Variants in GPC6 observed in about 807,000 individuals in gnomAD.
GPC6 encodes the protein glypican-6.
A neutral mutation model predicts 55.2 loss-of-function variants in GPC6; 14 were observed. That is an observed-to-expected ratio of 0.25 (90% CI 0.17 to 0.40). The LOEUF is 0.40. GPC6 is among the 10% of genes least tolerant of loss of function. GPC6 has a pLI of 1.00. For missense variants in GPC6, 641 were observed against 708.5 expected (o/e 0.90, Z 1.08); for synonymous variants, 278 against 259.6 (o/e 1.07, Z -0.68).
rs565816870 is a variant in GPC6 at position 93,545,428 on chromosome 13, G to T, written c.319+7G>T. On this transcript the variant is annotated splice_region_variant and intron_variant, in intron 2 of 8. Coordinates refer to ENST00000377047, the MANE Select transcript of GPC6 (RefSeq NM_005708.5). ...AGGCATAAGAAATTTGACGGTAGGT[G>T]AAATGGTTTTCACTTCAGTTTGTTA... 6.2e-7 allele frequency: 1 copy of T among 1,611,898 alleles called. No homozygotes were observed. The highest frequency in any genetic ancestry group is 1.1e-5 in the South Asian group (1 of 91,034).
rs573477694 is a variant in GPC6 at position 93,492,444 on chromosome 13, A to C, written c.161-52819A>C. Among the ~76,000 whole-genome samples the C allele has an allele frequency of 3.5e-3, 530 of 150,256 alleles. 2 individuals are homozygous for C. Among genetic ancestry groups the C allele is most frequent in the African/African-American group, 0.012 (485 of 40,566 alleles). On this transcript the variant is annotated intron_variant, in intron 1 of 8. Transcript: ENST00000377047. ...GGGCTGAGACGATGGGGTTTTCTGGATAAACAATCATGTCGTCTGCAAACA... is the reference window on the plus strand; with the variant it reads ...GGGCTGAGACGATGGGGTTTTCTGGCTAAACAATCATGTCGTCTGCAAACA...
Position 93,231,380 on chromosome 13 carries a change from CATAT to C in GPC6, c.160+3777_160+3780del, listed in dbSNP as rs1204996148. Among the ~76,000 whole-genome samples the C allele has an allele frequency of 4.9e-3, 151 of 30,808 alleles. 3 individuals carry two copies. Among genetic ancestry groups the C allele is most frequent in the Middle Eastern group, 0.028 (1 of 36 alleles). 20.2% of individuals were successfully genotyped at this position (30,808 alleles called of 152,430 possible). ...ATATACGTATATATATATATATATA[CATAT>C]ATATATATATATGTATATATATATA... On this transcript the variant is annotated intron_variant, in intron 1 of 8. Transcript: ENST00000377047.
At position 93,948,602 on chromosome 13, in the gene GPC6, A is replaced by T. The variant is rs1879116582; in HGVS notation, c.712-79127A>T. On this transcript the variant is annotated intron_variant, in intron 3 of 8. Transcript: ENST00000377047. The stretch of plus-strand genomic sequence containing the variant: ...TTATAGCAGAAATATGATTGAATGC[A>T]TAATTTATTTAAGGTTTAGCAAAGA... Among the ~76,000 whole-genome samples the T allele has an allele frequency of 2.0e-5, 3 of 152,224 alleles. No individual in the cohort carries two copies. The South Asian group carries it at 6.2e-4, about 31-fold the overall frequency.
chr13:93,700,787 A>G (rs1463811943), intron 2 of GPC6, among the ~76,000 whole-genome samples: 4 of 152,230 alleles, frequency 2.6e-5, no homozygotes, highest in Middle Eastern at 3.4e-3. Context: ...AAGCAAGGAT[A>G]TCATCAAGAG....
At position 93,318,990 on chromosome 13, in the gene GPC6, G is replaced by A. The variant is rs573427011; in HGVS notation, c.160+91374G>A. On this transcript the variant is annotated intron_variant, in intron 1 of 8. Coordinates refer to ENST00000377047, the MANE Select transcript of GPC6 (RefSeq NM_005708.5). ...GAACTTAGAGAGGTTGCATACATTG[G>A]AACACCATGCACAGCTGGGGGTGGA... 3.9e-5 allele frequency among the ~76,000 whole-genome samples: 6 copies of A among 152,170 alleles called. No individual in the cohort carries two copies. The East Asian group carries it at 1.2e-3, about 29-fold the overall frequency.
chr13:93,488,858 T>C (rs1879838816), intron 1 of GPC6, among the ~76,000 whole-genome samples: 1 of 152,200 alleles, frequency 6.6e-6, no homozygotes, highest in Non-Finnish European at 1.5e-5. Flanking sequence ...TCTTTGTAGA[T>C]TCTGGATATT....
chr13:93,857,580 A>C (rs977983925), intron 3 of GPC6, among the ~76,000 whole-genome samples: 1 of 151,618 alleles, frequency 6.6e-6, no homozygotes, highest in Non-Finnish European at 1.5e-5. Context: ...AATATATACA[A>C]AGTAAGGTAG....
intron 4 of GPC6, among the ~76,000 whole-genome samples, chr13:94,282,932 G>A (rs114983332): frequency 0.019 from 2,829 of 152,284 alleles, 91 homozygotes; most frequent in African/African-American, 0.064. Context: ...AAAGAGTGTC[G>A]AAGATATTGC....
At chr13:94,089,072 G>A (rs1024419299) in intron 4 of GPC6, among the ~76,000 whole-genome samples, 1 of 152,116 alleles carries the variant, frequency 6.6e-6, no homozygotes, top group African/African-American at 2.4e-5. Context: ...CATGAAAGTT[G>A]GCACCAAGAA....
At chr13:93,398,226 T>C (rs1017464899) in intron 1 of GPC6, among the ~76,000 whole-genome samples, 1 of 152,204 alleles carries the variant, frequency 6.6e-6, no homozygotes, top group Admixed American at 6.5e-5. Context: ...CAAAAACGTA[T>C]GTTCTTTTTA....
intron 2 of GPC6, among the ~76,000 whole-genome samples, chr13:93,771,348 A>T (rs573201785): frequency 6.6e-6 from 1 of 152,114 alleles, no homozygotes; most frequent in Non-Finnish European, 1.5e-5. Flanking sequence ...TCTAAATTAT[A>T]CATGACTGTT....
chr13:94,380,508 C>T (rs1414892605), intron 6 of GPC6, among the ~76,000 whole-genome samples: 3 of 152,080 alleles, frequency 2.0e-5, no homozygotes, highest in African/African-American at 7.2e-5. Context: ...TCTAGCTTTG[C>T]CGGATATTAA....
At chr13:93,709,197 T>C (rs974189406) in intron 2 of GPC6, among the ~76,000 whole-genome samples, 3 of 151,822 alleles carry the variant, frequency 2.0e-5, no homozygotes, top group African/African-American at 7.2e-5. Flanking sequence ...GATATCAATC[T>C]AGCCTGCCTT....
At chr13:94,214,279 G>C (rs1359419718) in intron 4 of GPC6, among the ~76,000 whole-genome samples, 2 of 152,100 alleles carry the variant, frequency 1.3e-5, no homozygotes, top group South Asian at 2.1e-4. Flanking sequence ...TCTCACCAAG[G>C]GATGTTCGTT....
At chr13:94,027,666 T>C in intron 3 of GPC6, 63 bp from the exon 4 acceptor site, 1 of 1,474,758 alleles carries the variant, frequency 6.8e-7, no homozygotes, top group Non-Finnish European at 9.5e-7. Context: ...CTATTTTGTC[T>C]TTTTTTCCTC....
At position 93,943,239 on chromosome 13, in the gene GPC6, G is replaced by C. The variant is rs561926736; in HGVS notation, c.712-84490G>C. 3.3e-5 allele frequency among the ~76,000 whole-genome samples: 5 copies of C among 152,128 alleles called. No individual in the cohort carries two copies. In the South Asian group the frequency reaches 6.2e-4, roughly 19 times the overall value. ...ACTGAATTATAGTATAATATACTACGTATACTATACTTAATTCCATCTTAG... is the reference window on the plus strand; with the variant it reads ...ACTGAATTATAGTATAATATACTACCTATACTATACTTAATTCCATCTTAG... On this transcript the variant is annotated intron_variant, in intron 3 of 8. Coordinates refer to ENST00000377047, the MANE Select transcript of GPC6 (RefSeq NM_005708.5).
At chr13:93,602,208 G>A (rs1280471119) in intron 2 of GPC6, among the ~76,000 whole-genome samples, 2 of 152,030 alleles carry the variant, frequency 1.3e-5, no homozygotes, top group African/African-American at 2.4e-5. Context: ...TAATGGTTTC[G>A]AGCTCTCAGG....
intron 6 of GPC6, among the ~76,000 whole-genome samples, chr13:94,337,418 A>G (rs963369546): frequency 2.0e-5 from 3 of 152,024 alleles, no homozygotes; most frequent in Non-Finnish European, 4.4e-5. Flanking sequence ...CATAGATAGT[A>G]CATTTAATTC....
intron 1 of GPC6, among the ~76,000 whole-genome samples, chr13:93,402,917 A>G (rs1248586237): frequency 1.3e-5 from 2 of 152,186 alleles, no homozygotes; most frequent in African/African-American, 4.8e-5. Context: ...TAATGAGTAT[A>G]CATATCTTGA....
Sources: gnomAD v4.1 joint callset for allele counts (sites outside exome capture counted in the v4.1 genomes callset) on GRCh38, gnomAD v4.1.1 for gene constraint, MANE v1.5 for transcripts, NCBI Gene and HGNC (gene_info 2026-07-23, HGNC 2026-07-21) for gene names.